Variants in GAS7 observed in about 807,000 individuals in gnomAD.
GAS7 encodes the protein growth arrest specific 7.
GAS7 carries 28 observed loss-of-function variants against 71.1 expected under a neutral mutation model. The observed-to-expected ratio is 0.39, with a 90% CI of 0.29 to 0.54. GAS7 has a LOEUF of 0.54. Among genes scored for constraint, GAS7 ranks in the 20% least tolerant of loss-of-function variants. The pLI is 0.62. For synonymous variants in GAS7, 258 were observed against 245.8 expected, an observed-to-expected ratio of 1.05 and a Z score of -0.46; for missense variants, 436 against 627.8, an observed-to-expected ratio of 0.69 and a Z score of 3.27.
Position 9,940,890 on chromosome 17 carries a change from T to C in GAS7, c.732-690A>G, listed in dbSNP as rs146428005. ...CATGTTAAGCATGTTGTCAGAGGTATTGTTCACCACCTAAGTGGTCCTCTG... is the reference window on the plus strand; with the variant it reads ...CATGTTAAGCATGTTGTCAGAGGTACTGTTCACCACCTAAGTGGTCCTCTG... On this transcript the variant is annotated intron_variant, in intron 7 of 13. Transcript: ENST00000432992. 7.9e-5 allele frequency among the ~76,000 whole-genome samples: 12 copies of C among 152,348 alleles called. No individual in the cohort carries two copies. The East Asian group carries it at 2.3e-3, about 29-fold the overall frequency.
At chr17:9,963,204 A>G (rs1470948957) in intron 4 of GAS7, among the ~76,000 whole-genome samples, 1 of 152,188 alleles carries the variant, frequency 6.6e-6, no homozygotes, top group Non-Finnish European at 1.5e-5. Context: ...TTGGAATTCC[A>G]GGTGAAAGAG....
At chr17:10,005,124 TACCA>T (rs1169363210) in intron 2 of GAS7, among the ~76,000 whole-genome samples, 1 of 151,518 alleles carries the variant, frequency 6.6e-6, no homozygotes, top group East Asian at 1.9e-4. Flanking sequence ...TGTGCACGCA[TACCA>T]GCATGTGTGC....
Position 10,042,258 on chromosome 17 carries a change from G to A in GAS7, c.184-22361C>T, listed in dbSNP as rs895077557. On this transcript the variant is annotated intron_variant, in intron 1 of 13. Transcript: ENST00000432992. ...TGCAGTGAGCTGAGATAGTGCCACC[G>A]CACTCCGGCCTGGGTGACAGAGCGA... is the stretch of plus-strand genomic sequence containing the variant. Among the ~76,000 whole-genome samples, 12 of 144,080 alleles carry A rather than the reference G, an allele frequency of 8.3e-5. No individual in the cohort carries two copies. In the South Asian group the frequency reaches 8.7e-4, roughly 10 times the overall value. 94.5% of individuals were successfully genotyped at this position (144,080 alleles called of 152,430 possible).
intron 1 of GAS7, among the ~76,000 whole-genome samples, chr17:10,095,479 T>C (rs1261905000): frequency 1.3e-5 from 2 of 152,154 alleles, no homozygotes; most frequent in Admixed American, 6.5e-5. Flanking sequence ...GTGGAATTTA[T>C]AGACAATAAA....
chr17:9,985,013 C>CT (rs766394467), intron 2 of GAS7, among the ~76,000 whole-genome samples: 7 of 61,276 alleles, frequency 1.1e-4, no homozygotes, highest in African/African-American at 1.9e-4. Context: ...ACCCTCTCCT[C>CT]CGAGTCTCCT....
Position 10,034,542 on chromosome 17 carries a change from C to T in GAS7, c.184-14645G>A, listed in dbSNP as rs2072701130. ...CAGGCTGGCCTTGAACTCCTGACCT[C>T]AGGTGATCTGCCCACCTCGGCCTCC... is the stretch of plus-strand genomic sequence containing the variant. On this transcript the variant is annotated intron_variant, in intron 1 of 13. Transcript: ENST00000432992. The surrounding 1 kb of genome is among the most constrained non-coding windows in gnomAD (Gnocchi z 4.4). Among the ~76,000 whole-genome samples the T allele has an allele frequency of 6.6e-6, 1 of 152,202 alleles. No homozygotes were observed. Among genetic ancestry groups the T allele is most frequent in the Non-Finnish European group, 1.5e-5 (1 of 68,040 alleles).
chr17:10,020,868 G>A lies in GAS7; in HGVS notation c.184-971C>T, dbSNP rs9900626. ...GCGGAGGTTGCAGTGAGCAGAGATC[G>A]CACCACTGCACTCCAGCCTGGGTGA... On this transcript the variant is annotated intron_variant, in intron 1 of 13. Transcript: ENST00000432992. Among the ~76,000 whole-genome samples, 1,463 of 152,192 alleles carry A rather than the reference G, an allele frequency of 9.6e-3. 58 individuals carry two copies. The East Asian group carries it at 0.15, about 16-fold the overall frequency.
At chr17:9,952,159 C>A (rs138431237) in intron 5 of GAS7, among the ~76,000 whole-genome samples, 134 of 152,294 alleles carry the variant, frequency 8.8e-4, no homozygotes, top group African/African-American at 3.2e-3. Context: ...CTGGGTCCCA[C>A]CCCCCACTGT....
chr17:9,923,915 C>T (rs2067907524), intron 11 of GAS7, among the ~76,000 whole-genome samples: 1 of 152,158 alleles, frequency 6.6e-6, no homozygotes, highest in Admixed American at 6.5e-5. Flanking sequence ...TGGGTACAAT[C>T]ATACAACTGG....
At chr17:10,156,769 G>A (rs1159442109) in intron 1 of GAS7, among the ~76,000 whole-genome samples, 1 of 152,072 alleles carries the variant, frequency 6.6e-6, no homozygotes, top group Non-Finnish European at 1.5e-5. Context: ...CTTTAGAGCA[G>A]TCGGCCCCCT....
At chr17:10,082,946 G>C (rs2073474200) in intron 1 of GAS7, among the ~76,000 whole-genome samples, 1 of 152,184 alleles carries the variant, frequency 6.6e-6, no homozygotes. Context: ...TAACCTAGAG[G>C]ATAGAAATCA....
intron 2 of GAS7, among the ~76,000 whole-genome samples, chr17:10,012,576 C>T (rs1269148281): frequency 6.6e-6 from 1 of 152,148 alleles, no homozygotes; most frequent in East Asian, 1.9e-4. Context: ...TGAGAGCCAC[C>T]ACACCCAGCC....
At chr17:10,035,768 C>T (rs952417739) in intron 1 of GAS7, among the ~76,000 whole-genome samples, 1 of 152,142 alleles carries the variant, frequency 6.6e-6, no homozygotes, top group African/African-American at 2.4e-5. Flanking sequence ...TGTTGTACTG[C>T]TAAGTATCAG....
intron 1 of GAS7, among the ~76,000 whole-genome samples, chr17:10,037,072 A>G (rs559945251): frequency 6.6e-6 from 1 of 152,224 alleles, no homozygotes; most frequent in African/African-American, 2.4e-5. Context: ...TGTTCCCCCA[A>G]AGAACCACTG....
intron 1 of GAS7, among the ~76,000 whole-genome samples, chr17:10,038,530 T>C (rs2072800815): frequency 6.6e-6 from 1 of 152,038 alleles, no homozygotes; most frequent in South Asian, 2.1e-4. Context: ...GTCCAGCAAT[T>C]CCATTAATAG....
intron 1 of GAS7, among the ~76,000 whole-genome samples, chr17:10,191,514 C>T (rs1440651903): frequency 6.7e-6 from 1 of 148,378 alleles, no homozygotes; most frequent in Non-Finnish European, 1.5e-5. Flanking sequence ...CATGATCATG[C>T]CACTATACTC....
intron 1 of GAS7, among the ~76,000 whole-genome samples, chr17:10,138,493 AGT>A (rs2074056798): frequency 1.3e-5 from 2 of 152,098 alleles, no homozygotes; most frequent in Non-Finnish European, 2.9e-5. Flanking sequence ...GGCTGGACGC[AGT>A]GGCTCACGCC....
chr17:10,135,836 T>C lies in GAS7; in HGVS notation c.183+62372A>G, dbSNP rs531956833. Among the ~76,000 whole-genome samples, 69 of 152,184 alleles carry C rather than the reference T, an allele frequency of 4.5e-4. No homozygotes were observed. The South Asian group carries it at 6.6e-3, about 15-fold the overall frequency. ...GGATGCCTATGCTCTGAGAAGGAAATAAATTGTCAGCAGAAGATCAACAGA... is the reference window on the plus strand; with the variant it reads ...GGATGCCTATGCTCTGAGAAGGAAACAAATTGTCAGCAGAAGATCAACAGA... On this transcript the variant is annotated intron_variant, in intron 1 of 13. Transcript: ENST00000432992.
At chr17:9,944,236 A>G (rs1471031783) in intron 6 of GAS7, among the ~76,000 whole-genome samples, 2 of 152,214 alleles carry the variant, frequency 1.3e-5, no homozygotes, top group African/African-American at 4.8e-5. Flanking sequence ...TCCCAGGGCC[A>G]TCCCAGGCAT....
Sources: gnomAD v4.1 joint callset for allele counts (sites outside exome capture counted in the v4.1 genomes callset) on GRCh38, gnomAD v4.1.1 for gene constraint, Gnocchi (gnomAD v3.1) non-coding constraint, MANE v1.5 for transcripts, NCBI Gene and HGNC (gene_info 2026-07-23, HGNC 2026-07-21) for gene names.